MTMR3: variants seen among roughly 807,000 people sequenced by gnomAD.
MTMR3 encodes myotubularin related protein 3.
MTMR3 carries 32 observed loss-of-function variants against 132.4 expected under a neutral mutation model. The observed-to-expected ratio is 0.24, with a 90% CI of 0.18 to 0.32. MTMR3 has a LOEUF of 0.32. Ranked by LOEUF, MTMR3 falls within the 10% of genes least tolerant of loss-of-function variation. The probability of loss-of-function intolerance (pLI) is 1.00; values close to 1 mark genes in which losing one functional copy is unlikely to be tolerated. For missense variants in MTMR3, 1,216 were observed against 1,489.6 expected, an observed-to-expected ratio of 0.82 and a Z score of 3.02; for synonymous variants, 556 against 550.3, an observed-to-expected ratio of 1.01 and a Z score of -0.14.
intron 3 of MTMR3, among the ~76,000 whole-genome samples, chr22:29,975,129 G>C (rs1026495370): frequency 6.6e-6 from 1 of 152,132 alleles, no homozygotes; most frequent in Admixed American, 6.5e-5. Context: ...TAGTATTAGA[G>C]TATAGTAGAG....
intron 12 of MTMR3, chr22:30,012,079 G>T: frequency 3.5e-6 from 1 of 283,250 alleles, no homozygotes; most frequent in Non-Finnish European, 6.5e-6. Context: ...TTATACCATG[G>T]ACTGAAAAAT....
intron 1 of MTMR3, among the ~76,000 whole-genome samples, chr22:29,897,441 T>TTTTA (rs146436672): frequency 0.017 from 2,629 of 152,030 alleles, 33 homozygotes; most frequent in South Asian, 0.037. Context: ...TTAAGTATGT[T>TTTTA]TTTATTTATT....
intron 1 of MTMR3, among the ~76,000 whole-genome samples, chr22:29,895,906 C>T (rs1166741858): frequency 2.0e-5 from 3 of 152,182 alleles, no homozygotes; most frequent in Admixed American, 2.0e-4. Context: ...ACATCACAAT[C>T]CAACCAAGAA....
At chr22:29,950,838 A>G (rs1472478421) in intron 1 of MTMR3, among the ~76,000 whole-genome samples, 6 of 152,240 alleles carry the variant, frequency 3.9e-5, no homozygotes. Flanking sequence ...TGTTAATGAT[A>G]TATCAGTATA....
rs558210335 is a variant in MTMR3 at position 29,944,240 on chromosome 22, G to T, written c.-137-12796G>T. Among the ~76,000 whole-genome samples the T allele has an allele frequency of 9.3e-5, 14 of 151,270 alleles. No individual in the cohort carries two copies. The East Asian group carries it at 9.8e-4, about 11-fold the overall frequency. ...TTAGATTGGTGCAAAAGTAATTGTGGTTTTTGCCATTAAAAATGATGGCAA... is the reference window on the plus strand; with the variant it reads ...TTAGATTGGTGCAAAAGTAATTGTGTTTTTTGCCATTAAAAATGATGGCAA... On this transcript the variant is annotated intron_variant, in intron 1 of 19. Transcript: ENST00000401950.
intron 2 of MTMR3, among the ~76,000 whole-genome samples, chr22:29,960,396 AG>A (rs1484765006): frequency 7.2e-5 from 11 of 152,208 alleles, no homozygotes; most frequent in Non-Finnish European, 1.3e-4. Flanking sequence ...TACATACTGA[AG>A]TAGTAAGAAT....
At chr22:30,021,403 T>G (rs1337133453) in intron 17 of MTMR3, 1 of 163,552 alleles carries the variant, frequency 6.1e-6, no homozygotes, top group African/African-American at 2.4e-5. Context: ...CTAGCACTGT[T>G]GAGGAGTTAG....
At chr22:29,919,662 A>G (rs1369950598) in intron 1 of MTMR3, among the ~76,000 whole-genome samples, 1 of 152,010 alleles carries the variant, frequency 6.6e-6, no homozygotes, top group Non-Finnish European at 1.5e-5. Flanking sequence ...AGCTAAGACT[A>G]CAGGCATGTG....
intron 2 of MTMR3, among the ~76,000 whole-genome samples, chr22:29,968,572 C>T (rs774129213): frequency 4.3e-4 from 66 of 152,144 alleles, no homozygotes; most frequent in Admixed American, 7.2e-4. Flanking sequence ...CTTTACCTTC[C>T]TATCTAAAGT....
intron 1 of MTMR3, among the ~76,000 whole-genome samples, chr22:29,917,331 A>G (rs2065327879): frequency 6.6e-6 from 1 of 152,186 alleles, no homozygotes; most frequent in African/African-American, 2.4e-5. Flanking sequence ...TCCTTCGTAT[A>G]AGATTTTAAA....
intron 5 of MTMR3, 48 bp from the exon 6 acceptor site, chr22:29,988,432 G>C (rs2066899003): frequency 7.1e-7 from 1 of 1,418,198 alleles, no homozygotes; most frequent in African/African-American, 1.4e-5. Context: ...AGAACTCCAG[G>C]GTCAATGCCT....
rs774021566 is a variant in MTMR3, at chr22:30,019,579, G to T, written c.1920G>T (p.Lys640Asn). Residue 640 changes from lysine to asparagine, a missense_variant, in exon 17 of 20, where the codon AAG becomes AAT. Physicochemically the swap from Lys to Asn is moderately conservative, Grantham distance 94. Transcript: ENST00000401950. ...GCAGCGACCCCAGCCTGAACGAGAA[G>T]TGGCAGGAGCACCGGCGCTCACTAG... Reference protein sequence around the residue: ...RRCSDPSLNEKWQEHRRSLEL... With the variant: ...RRCSDPSLNENWQEHRRSLEL... 3.1e-6 allele frequency: 5 copies of T among 1,613,914 alleles called. No homozygotes were observed. The highest frequency in any genetic ancestry group is 1.1e-5 in the South Asian group (1 of 91,088).
At chr22:29,951,196 T>C (rs1276409544) in intron 1 of MTMR3, among the ~76,000 whole-genome samples, 1 of 152,076 alleles carries the variant, frequency 6.6e-6, no homozygotes, top group Non-Finnish European at 1.5e-5. Context: ...GAAGGGAATA[T>C]AAGGAGCAAA....
chr22:29,988,732 C>A, intron 6 of MTMR3, 170 bp downstream of exon 6: 2 of 384,632 alleles, frequency 5.2e-6, no homozygotes, highest in Non-Finnish European at 9.0e-6. Context: ...GTATACTTTG[C>A]TATGTTGAAA....
intron 1 of MTMR3, among the ~76,000 whole-genome samples, chr22:29,910,483 A>G (rs2065189626): frequency 1.3e-5 from 2 of 152,126 alleles, no homozygotes; most frequent in South Asian, 4.1e-4. Flanking sequence ...ATTCCTTTCC[A>G]CTTAAACCTC....
Position 30,016,715 on chromosome 22 carries a change from C to CT in MTMR3, c.1674+20dup. The CT allele has an allele frequency of 6.2e-7, 1 of 1,602,150 alleles. No individual in the cohort carries two copies. The highest frequency in any genetic ancestry group is 1.3e-5 in the African/African-American group (1 of 74,736). On this transcript the variant is annotated intron_variant, in intron 15 of 19. Transcript: ENST00000401950. The stretch of plus-strand genomic sequence containing the variant: ...TCAGAAGCCGTATGTATCCTTCAGC[C>CT]TTTCCACTGTGGTCAGCAGAAGGAA...
intron 3 of MTMR3, among the ~76,000 whole-genome samples, chr22:29,971,770 G>C (rs2066541200): frequency 6.6e-6 from 1 of 152,022 alleles, no homozygotes; most frequent in Admixed American, 6.6e-5. Context: ...AAGCAGAGAA[G>C]ATGGAGCAAC....
intron 2 of MTMR3, among the ~76,000 whole-genome samples, chr22:29,960,165 C>T (rs2066282494): frequency 1.3e-5 from 2 of 151,762 alleles, no homozygotes; most frequent in Admixed American, 6.6e-5. Flanking sequence ...TAATATGTGC[C>T]CCAGATTAAA....
chr22:29,983,711 C>G (rs1001932364), intron 5 of MTMR3: 5 of 152,232 alleles, frequency 3.3e-5, no homozygotes, highest in African/African-American at 1.2e-4. Context: ...CATCATGGCC[C>G]ACTGCAGCCT....
Sources: gnomAD v4.1 joint callset for allele counts (sites outside exome capture counted in the v4.1 genomes callset) on GRCh38, gnomAD v4.1.1 for gene constraint, MANE v1.5 for transcripts, NCBI Gene and HGNC (gene_info 2026-07-23, HGNC 2026-07-21) for gene names.